The following COL6A5 variants were observed in gnomAD, a reference collection of about 807,000 sequenced individuals.
COL6A5 encodes collagen type VI alpha 5 chain.
Under a neutral mutation model 65.6 loss-of-function variants are expected in COL6A5, and 48 were observed. The ratio of observed to expected loss-of-function variants is 0.73; its 90% CI spans 0.58 to 0.93. The LOEUF is 0.93. COL6A5 is among the 40% of genes least tolerant of loss of function. The pLI is 0.00. For missense variants in COL6A5, 914 were observed against 928.3 expected (o/e 0.98, Z 0.20); for synonymous variants, 291 against 322.8 (o/e 0.90, Z 1.05).
intron 26 of COL6A5, 43 bp downstream of exon 26, chr3:130,421,246 A>G: frequency 3.2e-6 from 5 of 1,546,744 alleles, no homozygotes; most frequent in Non-Finnish European, 3.5e-6. Context: ...GATGAATCAA[A>G]CTAAATAATA....
At chr3:130,460,315 TA>T in intron 5 of COL6A5, among the ~76,000 whole-genome samples, 1 of 152,160 alleles carries the variant, frequency 6.6e-6, no homozygotes, top group Non-Finnish European at 1.5e-5. Flanking sequence ...TACCTCATTT[TA>T]AGCTGTAGAC....
chr3:130,459,167 G>A lies in COL6A5; in HGVS notation c.1544+3501G>A, dbSNP rs551171426. 4.1e-4 allele frequency among the ~76,000 whole-genome samples: 62 copies of A among 152,124 alleles called. 2 individuals carry two copies. The South Asian group carries it at 0.012, about 29-fold the overall frequency. ...TGCTCCTAGCTTTAAGCAGCCCCAG[G>A]CCTTAGGATAACTTCAACTGATGTT... is the stretch of plus-strand genomic sequence containing the variant. On this transcript the variant is annotated intron_variant, in intron 5 of 7. Transcript: ENST00000512836.
intron 5 of COL6A5, among the ~76,000 whole-genome samples, chr3:130,462,350 C>T (rs553940247): frequency 6.6e-6 from 1 of 152,196 alleles, no homozygotes; most frequent in East Asian, 1.9e-4. Context: ...TGAGAGTTCT[C>T]GTTTCTGAGA....
At chr3:130,407,739 C>T (rs573309633) in intron 17 of COL6A5, among the ~76,000 whole-genome samples, 1 of 152,276 alleles carries the variant, frequency 6.6e-6, no homozygotes, top group South Asian at 2.1e-4. Flanking sequence ...ACTAGAGGAA[C>T]AGAAAATAGA....
chr3:130,431,504 T>C, exon 1 of COL6A5: 1 of 1,551,602 alleles, frequency 6.4e-7, no homozygotes, highest in South Asian at 1.2e-5. Context: ...GTATTTGCTC[T>C]GGACAATTCC....
chr3:130,395,918 T>C (rs927584880), intron 8 of COL6A5, among the ~76,000 whole-genome samples: 2 of 152,150 alleles, frequency 1.3e-5, no homozygotes, highest in African/African-American at 4.8e-5. Context: ...TGTGTGTGTG[T>C]ACAGTGTATT....
intron 1 of COL6A5, among the ~76,000 whole-genome samples, chr3:130,354,619 T>A (rs2107615293): frequency 6.6e-6 from 1 of 152,324 alleles, no homozygotes; most frequent in Non-Finnish European, 1.5e-5. Context: ...AACACTTTCT[T>A]AATTAACCAC....
At chr3:130,465,935 T>A (rs2107611015) in intron 5 of COL6A5, among the ~76,000 whole-genome samples, 1 of 152,000 alleles carries the variant, frequency 6.6e-6, no homozygotes, top group Admixed American at 6.6e-5. Context: ...AATGGCAAAT[T>A]AGATTTGGCA....
chr3:130,471,429 C>A (rs1166552462), intron 7 of COL6A5, among the ~76,000 whole-genome samples: 1 of 151,958 alleles, frequency 6.6e-6, no homozygotes, highest in Non-Finnish European at 1.5e-5. Flanking sequence ...AAAGTACAAC[C>A]CTAAGTACTC....
intron 19 of COL6A5, 99 bp downstream of exon 19, chr3:130,410,173 T>G (rs1559886873): frequency 1.1e-5 from 10 of 873,490 alleles, no homozygotes; most frequent in Non-Finnish European, 1.8e-5. Context: ...ACAAATGCTC[T>G]TAAGACCACA....
rs1409714237 is a variant in COL6A5, at chr3:130,440,050, GAT to G, written c.582-113_582-112del. ...AATTTAAATTATGTGAGATCAAAGA[GAT>G]ATTGATCAAATTATAATTCTTGGTA... On this transcript the variant is annotated intron_variant, in intron 2 of 7. Transcript: ENST00000512836. 3 of 815,276 alleles carry G rather than the reference GAT, an allele frequency of 3.7e-6. No individual in the cohort carries two copies. The African/African-American group carries it at 5.2e-5, about 14-fold the overall frequency. The allele number at this position is 815,276 out of a possible 1,614,324, so 50.5% of individuals were successfully genotyped here.
At chr3:130,458,643 G>A (rs1023058089) in intron 5 of COL6A5, among the ~76,000 whole-genome samples, 7 of 152,048 alleles carry the variant, frequency 4.6e-5, no homozygotes, top group African/African-American at 1.7e-4. Context: ...AAAACAATTG[G>A]GTATCTAGAA....
chr3:130,440,919 A>G (rs1442168372), intron 3 of COL6A5, 94 bp downstream of exon 35: 56 of 923,664 alleles, frequency 6.1e-5, no homozygotes, highest in Non-Finnish European at 8.3e-5. Flanking sequence ...TAGCTAATCT[A>G]AACATAATTT....
At chr3:130,366,224 T>A (rs1445985266) in intron 1 of COL6A5, among the ~76,000 whole-genome samples, 1 of 152,208 alleles carries the variant, frequency 6.6e-6, no homozygotes, top group Admixed American at 6.5e-5. Context: ...GTTTATTTTT[T>A]AAAATCTGGT....
In COL6A5 at chr3:130,401,757, C is replaced by T; in HGVS notation, c.4135-5C>T. On this transcript the variant is annotated splice_polypyrimidine_tract_variant and splice_region_variant and intron_variant and NMD_transcript_variant, in intron 11 of 41. Transcript: ENST00000312481. Reference sequence around the variant, plus strand: ...ATTCCCTCAGCTTTACTTTTTTTCCCCCAGGGAAATATTGCAGAGAGGACT... The same window carrying T: ...ATTCCCTCAGCTTTACTTTTTTTCCTCCAGGGAAATATTGCAGAGAGGACT... 6.5e-7 allele frequency: 1 copy of T among 1,547,642 alleles called. No homozygotes were observed. The highest frequency in any genetic ancestry group is 1.4e-5 in the African/African-American group (1 of 72,962).
At chr3:130,362,326 ATTTT>A (rs374784717) in intron 1 of COL6A5, among the ~76,000 whole-genome samples, 148 of 4,510 alleles carry the variant, frequency 0.033, no homozygotes, top group Middle Eastern at 0.12. Flanking sequence ...ATATATATAT[ATTTT>A]TTTTTTTTTT....
chr3:130,352,607 G>A (rs1336157771), intron 1 of COL6A5, among the ~76,000 whole-genome samples: 15 of 152,122 alleles, frequency 9.9e-5, no homozygotes, highest in Admixed American at 9.8e-4. Context: ...GGCTCAGAAT[G>A]ATAAACAGTT....
At chr3:130,443,194 A>C (rs1293616160) in intron 3 of COL6A5, among the ~76,000 whole-genome samples, 6 of 152,172 alleles carry the variant, frequency 3.9e-5, no homozygotes, top group Non-Finnish European at 8.8e-5. Context: ...TAGCCTGAGC[A>C]TGTGAAAATC....
At chr3:130,359,512 T>C (rs916189271) in intron 1 of COL6A5, among the ~76,000 whole-genome samples, 16 of 152,228 alleles carry the variant, frequency 1.1e-4, no homozygotes, top group African/African-American at 3.9e-4. Context: ...AAATTTTGCC[T>C]AAAACAGAAA....
Sources: allele counts gnomAD v4.1 joint callset (sites outside exome capture counted in the v4.1 genomes callset), GRCh38; gene constraint gnomAD v4.1.1; transcripts MANE v1.5; gene names NCBI Gene and HGNC (gene_info 2026-07-23, HGNC 2026-07-21).